The following SLC4A5 variants were observed in gnomAD, a reference collection of about 807,000 sequenced individuals.
SLC4A5 encodes the protein electrogenic sodium bicarbonate cotransporter 4.
SLC4A5 carries 96 observed loss-of-function variants against 120.4 expected under a neutral mutation model. The observed-to-expected ratio is 0.80, with a 90% CI of 0.68 to 0.94. The LOEUF (loss-of-function observed/expected upper bound fraction) is 0.94, where lower values mean the gene tolerates loss of function less well. SLC4A5 is among the 40% of genes least tolerant of loss of function. The pLI is 0.00. For synonymous variants in SLC4A5, 550 were observed against 571.1 expected (o/e 0.96, Z 0.53); for missense variants, 1,259 against 1,459.5 (o/e 0.86, Z 2.24).
At chr2:74,236,847 T>G (rs1670285208) in intron 21 of SLC4A5, among the ~76,000 whole-genome samples, 1 of 152,150 alleles carries the variant, frequency 6.6e-6, no homozygotes, top group Admixed American at 6.5e-5. Context: ...CTGTCTACAT[T>G]CCCACCTACT....
intron 8 of SLC4A5, among the ~76,000 whole-genome samples, chr2:74,271,295 T>A (rs1671468309): frequency 6.6e-6 from 1 of 152,174 alleles, no homozygotes; most frequent in Non-Finnish European, 1.5e-5. Context: ...AGGATGGTTC[T>A]CAACCTGAAG....
In SLC4A5 at chr2:74,239,950, C is replaced by T. The variant is rs938179663; in HGVS notation, c.2119-415G>A. 6.0e-5 allele frequency among the ~76,000 whole-genome samples: 9 copies of T among 150,864 alleles called. No homozygotes were observed. In the East Asian group the frequency reaches 1.8e-3, roughly 30 times the overall value. ...CCCCTCTTGGGTCATTTCAGCCATT[C>T]CCCACCTTGGTGTCTCAGATGCCTA... is the stretch of plus-strand genomic sequence containing the variant. On this transcript the variant is annotated intron_variant, in intron 20 of 30. Transcript: ENST00000394019.
chr2:74,234,477 G>A (rs553528216), intron 22 of SLC4A5, among the ~76,000 whole-genome samples: 8 of 152,250 alleles, frequency 5.3e-5, no homozygotes, highest in South Asian at 4.1e-4. Flanking sequence ...GCACCTGGCC[G>A]GTTGGTGCTC....
chr2:74,274,264 C>T (rs1671569235), intron 8 of SLC4A5, among the ~76,000 whole-genome samples: 1 of 152,194 alleles, frequency 6.6e-6, no homozygotes, highest in Admixed American at 6.5e-5. Flanking sequence ...GATGGTGCCA[C>T]TGCACTCTAG....
In SLC4A5 at chr2:74,247,123, C is replaced by T. The variant is rs201898198; in HGVS notation, c.1972G>A (p.Gly658Ser). The T allele has an allele frequency of 1.2e-5, 19 of 1,614,082 alleles. No homozygotes were observed. In the African/African-American group the frequency reaches 1.2e-4, roughly 10 times the overall value. The change falls in exon 19 of 31, where the codon GGT (glycine) becomes AGT (serine). Residue 658 changes from glycine to serine, a missense_variant. Coordinates refer to ENST00000394019, the Ensembl canonical transcript of SLC4A5. ...TTGATAGGGTAGTACTTGAAGGCACCGATCATCTTCTTGATGGCATCGTAG... is the reference window on the plus strand; with the variant it reads ...TTGATAGGGTAGTACTTGAAGGCACTGATCATCTTCTTGATGGCATCGTAG...
rs989380535 is a variant in SLC4A5, at chr2:74,245,230, A to G, written c.2059+1806T>C. Among the ~76,000 whole-genome samples, 4 of 152,154 alleles carry G rather than the reference A, an allele frequency of 2.6e-5. No homozygotes were observed. In the South Asian group the frequency reaches 8.3e-4, roughly 32 times the overall value. On this transcript the variant is annotated intron_variant, in intron 19 of 30. Transcript: ENST00000394019. ...GCTACTTGGGAGGCTGAGGCAGGAG[A>G]ATCGCTTGAACCCAGGAGGCAGAGG...
At chr2:74,241,105 A>G (rs1055564349) in intron 20 of SLC4A5, among the ~76,000 whole-genome samples, 1 of 152,108 alleles carries the variant, frequency 6.6e-6, no homozygotes, top group Non-Finnish European at 1.5e-5. Context: ...CTGGGGCTGG[A>G]GAGTGGCACT....
chr2:74,286,630 C>T (rs1374125587), intron 7 of SLC4A5, among the ~76,000 whole-genome samples: 1 of 152,214 alleles, frequency 6.6e-6, no homozygotes, highest in East Asian at 1.9e-4. Context: ...CTCTCTTGAG[C>T]ATGTCCTCTA....
At chr2:74,288,672 G>A (rs946772918) in intron 7 of SLC4A5, among the ~76,000 whole-genome samples, 1 of 152,074 alleles carries the variant, frequency 6.6e-6, no homozygotes, top group Non-Finnish European at 1.5e-5. Context: ...GCTAGCTCAC[G>A]TTATTTGTGG....
chr2:74,292,193 C>T (rs1222372082), intron 7 of SLC4A5, among the ~76,000 whole-genome samples: 1 of 152,196 alleles, frequency 6.6e-6, no homozygotes, highest in Non-Finnish European at 1.5e-5. Flanking sequence ...TCGTGTACAC[C>T]AGTCACTCAA....
At chr2:74,262,369 T>C (rs1671167772) in intron 10 of SLC4A5, 137 bp from the exon 11 acceptor site, 2 of 566,204 alleles carry the variant, frequency 3.5e-6, no homozygotes, top group Non-Finnish European at 6.1e-6. Flanking sequence ...AATTCTTTTT[T>C]TTTTTTTTTT....
chr2:74,264,120 T>C (rs754446217), intron 10 of SLC4A5, 27 bp downstream of exon 10: 8 of 1,607,476 alleles, frequency 5.0e-6, no homozygotes, highest in East Asian at 2.2e-5. Context: ...GCATGTCCCA[T>C]GCCTACCAGC....
chr2:74,312,459 A>T (rs1161139235), intron 6 of SLC4A5, among the ~76,000 whole-genome samples: 1 of 151,786 alleles, frequency 6.6e-6, no homozygotes, highest in African/African-American at 2.4e-5. Context: ...CAAACTCTTG[A>T]CCTCAAGTGA....
rs567720524 is a variant in SLC4A5, at chr2:74,326,597, G to A, written c.-3+1523C>T. 2.6e-5 allele frequency among the ~76,000 whole-genome samples: 4 copies of A among 152,254 alleles called. No individual in the cohort carries two copies. The East Asian group carries it at 7.7e-4, about 29-fold the overall frequency. On this transcript the variant is annotated intron_variant, in intron 5 of 30. Coordinates refer to ENST00000394019, the Ensembl canonical transcript of SLC4A5. Reference sequence around the variant, plus strand: ...GCACTTTGGGAGGACGAGGCGGGCAGATCACGAGGTCAGGAGTTCGATTCC... The same window carrying A: ...GCACTTTGGGAGGACGAGGCGGGCAAATCACGAGGTCAGGAGTTCGATTCC...
At chr2:74,324,660 A>T (rs1673176616) in intron 5 of SLC4A5, among the ~76,000 whole-genome samples, 1 of 152,182 alleles carries the variant, frequency 6.6e-6, no homozygotes, top group African/African-American at 2.4e-5. Context: ...GTATGGTGTG[A>T]AGAGTACAGA....
intron 24 of SLC4A5, among the ~76,000 whole-genome samples, chr2:74,231,577 G>C (rs1426860652): frequency 2.6e-5 from 4 of 152,362 alleles, no homozygotes; most frequent in African/African-American, 9.6e-5. Context: ...GAGCAGGACT[G>C]ATGTGGACTG....
intron 4 of SLC4A5, among the ~76,000 whole-genome samples, chr2:74,330,715 T>TGGTGAGGTCTAGATGGTGGTGGC (rs1289238882): frequency 6.9e-6 from 1 of 144,938 alleles, no homozygotes; most frequent in Non-Finnish European, 1.5e-5. Context: ...TAGGTGAGGG[T>TGGTGAGGTCTAGATGGTGGTGGC]GGTGAGGTCT....
exon 31 of SLC4A5, chr2:74,216,588 GATAA>G (rs1694451593): frequency 2.6e-5 from 4 of 152,118 alleles, no homozygotes; most frequent in Admixed American, 6.6e-5. Context: ...TGGTGTGGAT[GATAA>G]ATACTTTTTT....
chr2:74,254,986 A>AT (rs1670916663), intron 13 of SLC4A5, among the ~76,000 whole-genome samples: 1 of 151,672 alleles, frequency 6.6e-6, no homozygotes, highest in East Asian at 2.0e-4. Context: ...AGCCCGGCTA[A>AT]TTTTTTGTAT....
Sources: gnomAD v4.1 joint callset for allele counts (sites outside exome capture counted in the v4.1 genomes callset) on GRCh38, gnomAD v4.1.1 for gene constraint, MANE v1.5 for transcripts, NCBI Gene and HGNC (gene_info 2026-07-23, HGNC 2026-07-21) for gene names.